The following PRDM5 variants were observed in gnomAD, a reference collection of about 807,000 sequenced individuals.
PRDM5 encodes PR domain zinc finger protein 5.
PRDM5 carries 56 observed loss-of-function variants against 81.2 expected under a neutral mutation model. The ratio of observed to expected loss-of-function variants is 0.69; its 90% CI spans 0.56 to 0.86. The LOEUF (loss-of-function observed/expected upper bound fraction) is 0.86. PRDM5 is among the 40% of genes least tolerant of loss of function. The probability of loss-of-function intolerance (pLI) is 0.00; values close to 1 mark genes in which losing one functional copy is unlikely to be tolerated. For missense variants in PRDM5, 697 were observed against 770.1 expected (o/e 0.91, Z 1.12); for synonymous variants, 267 against 256.4 (o/e 1.04, Z -0.39).
intron 3 of PRDM5, among the ~76,000 whole-genome samples, chr4:120,825,178 GA>G (rs1391409856): frequency 1.3e-5 from 2 of 152,080 alleles, no homozygotes; most frequent in Non-Finnish European, 2.9e-5. Flanking sequence ...CTGTAAAATG[GA>G]GAAAATAGTA....
chr4:120,824,116 C>T (rs191693298), intron 3 of PRDM5, among the ~76,000 whole-genome samples: 5 of 152,294 alleles, frequency 3.3e-5, no homozygotes, highest in Admixed American at 3.3e-4. Context: ...GCCAAATACA[C>T]ATTTTTTAAT....
In PRDM5 at chr4:120,818,459, G is replaced by C; in HGVS notation, c.544C>G (p.Leu182Val). 2.5e-6 allele frequency: 4 copies of C among 1,613,708 alleles called. No individual in the cohort carries two copies. Among genetic ancestry groups the C allele is most frequent in the Non-Finnish European group, 3.4e-6 (4 of 1,179,636 alleles). The stretch of plus-strand genomic sequence containing the variant: ...TGCAATGTCTGGAGATGCTCAGCAA[G>C]AATATCCTCACTGGTAAAACTCGAT... ...CESSFTSEDI[L>V]AEHLQTLHQK... is the part of the protein sequence containing the mutation. Residue 182 changes from leucine to valine, a missense_variant, in exon 5 of 16, where the codon CTT becomes GTT. Transcript: ENST00000264808.
chr4:120,866,645 C>T (rs1761226779), intron 2 of PRDM5, among the ~76,000 whole-genome samples: 1 of 152,190 alleles, frequency 6.6e-6, no homozygotes, highest in Non-Finnish European at 1.5e-5. Context: ...AAAGGTTTCA[C>T]AGCTGTTACT....
rs530420892 is a variant in PRDM5 at position 120,702,159 on chromosome 4, T to C, written c.1729-6884A>G. ...CTGCTAAATACTTTCTGAATCTCTCTGCATTCCTCCTCATCCTCTCCAGTC... is the reference window on the plus strand; with the variant it reads ...CTGCTAAATACTTTCTGAATCTCTCCGCATTCCTCCTCATCCTCTCCAGTC... On this transcript the variant is annotated intron_variant, in intron 15 of 15. Coordinates refer to ENST00000264808, the MANE Select transcript of PRDM5 (RefSeq NM_018699.4). Among the ~76,000 whole-genome samples, 5 of 152,358 alleles carry C rather than the reference T, an allele frequency of 3.3e-5. No individual in the cohort carries two copies. In the East Asian group the frequency reaches 7.7e-4, roughly 23 times the overall value.
intron 2 of PRDM5, among the ~76,000 whole-genome samples, chr4:120,858,451 T>C (rs535047200): frequency 3.9e-5 from 6 of 152,314 alleles, no homozygotes; most frequent in Middle Eastern, 3.4e-3. Flanking sequence ...GCAATGATCA[T>C]AGCTAGGAAA....
At chr4:120,697,381 T>A (rs1261479963) in intron 15 of PRDM5, among the ~76,000 whole-genome samples, 1 of 152,200 alleles carries the variant, frequency 6.6e-6, no homozygotes, top group African/African-American at 2.4e-5. Context: ...AAGATTTATA[T>A]ACATGATGCT....
At position 120,816,560 on chromosome 4, in the gene PRDM5, T is replaced by C. The variant is rs771627688; in HGVS notation, c.758A>G (p.Gln253Arg). 3 of 1,614,020 alleles carry C rather than the reference T, an allele frequency of 1.9e-6. No homozygotes were observed. Among genetic ancestry groups the C allele is most frequent in the Non-Finnish European group, 2.5e-6 (3 of 1,180,024 alleles). Residue 253 changes from glutamine (Q) to arginine (R), a missense_variant, in exon 7 of 16, where the codon CAG (glutamine) becomes CGG (arginine). Physicochemically the swap from Gln to Arg is conservative, Grantham distance 43. Coordinates refer to ENST00000264808, the MANE Select transcript of PRDM5 (RefSeq NM_018699.4). ...FSSASSFEQH[Q>R]ETCRGDARFV... ...CCTGGCATCCCCCCGGCAAGTCTCC[T>C]GGTGCTGCTCAAAACTACAAGACAA...
intron 2 of PRDM5, among the ~76,000 whole-genome samples, chr4:120,905,965 A>C (rs1164637689): frequency 2.6e-5 from 4 of 152,028 alleles, no homozygotes; most frequent in Admixed American, 2.0e-4. Context: ...TTCTGTATTT[A>C]GATCTTTTTC....
intron 2 of PRDM5, among the ~76,000 whole-genome samples, chr4:120,854,841 A>G (rs2034482): frequency 0.42 from 64,154 of 151,622 alleles, 13,850 homozygotes; most frequent in Non-Finnish European, 0.47. Context: ...GCCAGTAGAG[A>G]GCTAGGGGAA....
chr4:120,750,325 C>A (rs1743796235), intron 14 of PRDM5, among the ~76,000 whole-genome samples: 1 of 152,110 alleles, frequency 6.6e-6, no homozygotes, highest in South Asian at 2.1e-4. Flanking sequence ...AGCCCTCTGG[C>A]CTACTTAAGT....
rs1026098023 is a variant in PRDM5, at chr4:120,899,850, G to A, written c.177+7624C>T. ...CTTTTAACCAACTTGCTATAGACTG[G>A]AGTTCCCATGACACACTCCCCAGGT... On this transcript the variant is annotated intron_variant, in intron 2 of 15. Transcript: ENST00000264808. 3.9e-5 allele frequency among the ~76,000 whole-genome samples: 6 copies of A among 152,250 alleles called. No homozygotes were observed. The East Asian group carries it at 9.7e-4, about 25-fold the overall frequency.
chr4:120,822,854 C>T (rs544545821), intron 3 of PRDM5, among the ~76,000 whole-genome samples: 1 of 152,274 alleles, frequency 6.6e-6, no homozygotes, highest in Non-Finnish European at 1.5e-5. Context: ...AATGTATAGA[C>T]ATTCCTATAA....
intron 8 of PRDM5, among the ~76,000 whole-genome samples, chr4:120,800,389 C>T (rs187589463): frequency 2.0e-5 from 3 of 152,120 alleles, no homozygotes; most frequent in Non-Finnish European, 4.4e-5. Flanking sequence ...TGATGACATA[C>T]GTCTGTGGTC....
intron 2 of PRDM5, among the ~76,000 whole-genome samples, chr4:120,891,087 A>G (rs979732713): frequency 2.6e-5 from 4 of 152,184 alleles, no homozygotes; most frequent in African/African-American, 7.2e-5. Flanking sequence ...AATTTTTTGT[A>G]ATAGTTTCAG....
intron 15 of PRDM5, among the ~76,000 whole-genome samples, chr4:120,709,030 T>C (rs1736583296): frequency 6.6e-6 from 1 of 150,870 alleles, no homozygotes; most frequent in South Asian, 2.1e-4. Context: ...CGGAAGCAGA[T>C]AGAAAAAAGT....
intron 14 of PRDM5, 125 bp from the exon 15 acceptor site, chr4:120,710,538 G>A (rs1260763674): frequency 3.7e-5 from 30 of 800,616 alleles, no homozygotes; most frequent in Non-Finnish European, 6.1e-5. Flanking sequence ...ATGCTGATAT[G>A]GTTTGGCTGT....
intron 2 of PRDM5, among the ~76,000 whole-genome samples, chr4:120,889,415 T>G (rs901254205): frequency 6.6e-6 from 1 of 152,200 alleles, no homozygotes; most frequent in African/African-American, 2.4e-5. Context: ...TTTATAAATC[T>G]GGTTGTATAA....
intron 2 of PRDM5, among the ~76,000 whole-genome samples, chr4:120,857,892 C>T (rs1259919036): frequency 2.0e-5 from 3 of 152,146 alleles, no homozygotes; most frequent in Non-Finnish European, 4.4e-5. Context: ...TATTTTCCTT[C>T]AATCATTTCA....
chr4:120,731,402 G>GTCT (rs1740236836), intron 14 of PRDM5, among the ~76,000 whole-genome samples: 1 of 149,462 alleles, frequency 6.7e-6, no homozygotes, highest in Non-Finnish European at 1.5e-5. Context: ...ATTTACTTAT[G>GTCT]GGTAAGAGGC....
Sources: allele counts gnomAD v4.1 joint callset (sites outside exome capture counted in the v4.1 genomes callset), GRCh38; gene constraint gnomAD v4.1.1; transcripts MANE v1.5; gene names NCBI Gene and HGNC (gene_info 2026-07-23, HGNC 2026-07-21).